The following IL3RA variants were observed in gnomAD, a reference collection of about 807,000 sequenced individuals.
IL3RA encodes the protein interleukin 3 receptor subunit alpha.
A neutral mutation model predicts 52.3 loss-of-function variants in IL3RA; 73 were observed. That is an observed-to-expected ratio of 1.40 (90% CI 1.16 to 1.70). The LOEUF (loss-of-function observed/expected upper bound fraction) is 1.70. Ranked by LOEUF, IL3RA falls within the 40% of genes most tolerant of loss-of-function variation. The pLI is 0.00. For missense variants in IL3RA, 664 were observed against 504.4 expected (o/e 1.32, Z -3.03); for synonymous variants, 260 against 194.0 (o/e 1.34, Z -2.83).
At chrX:1,357,841 G>A (rs1288509853) in intron 7 of IL3RA, among the ~76,000 whole-genome samples, 9 of 148,492 alleles carry the variant, frequency 6.1e-5, no homozygotes, top group South Asian at 2.1e-4. Flanking sequence ...AGTAGCTTAC[G>A]CCTGTAATCC....
intron 9 of IL3RA, among the ~76,000 whole-genome samples, chrX:1,368,687 A>G (rs1417477247): frequency 2.0e-5 from 3 of 152,008 alleles, no homozygotes; most frequent in African/African-American, 7.2e-5. Context: ...ACAGACACAC[A>G]CAGAGGGACG....
intron 9 of IL3RA, among the ~76,000 whole-genome samples, chrX:1,376,945 A>T (rs7391982): frequency 9.7e-6 from 1 of 103,400 alleles, no homozygotes; most frequent in African/African-American, 4.5e-5. Flanking sequence ...CCTGGATCTC[A>T]GACCTCCAGC....
chrX:1,377,484 C>T (rs1327636664), intron 9 of IL3RA, among the ~76,000 whole-genome samples: 2 of 152,038 alleles, frequency 1.3e-5, no homozygotes, highest in Non-Finnish European at 2.9e-5. Flanking sequence ...CTCAGGTGAT[C>T]CGCCCGCCTT....
chrX:1,370,576 C>A (rs1833512592), intron 9 of IL3RA, among the ~76,000 whole-genome samples: 1 of 10,912 alleles, frequency 9.2e-5, no homozygotes, highest in Non-Finnish European at 1.5e-4. Flanking sequence ...CTGTGGGACA[C>A]AGGGAGAAGA....
At chrX:1,349,208 G>A (rs368143814) in intron 4 of IL3RA, among the ~76,000 whole-genome samples, 318 of 146,020 alleles carry the variant, frequency 2.2e-3, no homozygotes, top group African/African-American at 7.0e-3. Context: ...TTTAGACAGA[G>A]TCTCACTCTG....
intron 6 of IL3RA, among the ~76,000 whole-genome samples, chrX:1,355,612 G>GATGTC: frequency 6.6e-6 from 1 of 151,234 alleles, no homozygotes. Context: ...GGAAGTGGAG[G>GATGTC]ATGTCCTGGG....
Position 1,382,361 on chromosome X carries a change from G to C in IL3RA, c.1063-30G>C, listed in dbSNP as rs767949139. 5.0e-6 allele frequency: 8 copies of C among 1,589,108 alleles called. No homozygotes were observed. In the African/African-American group the frequency reaches 5.5e-5, roughly 11 times the overall value. Reference sequence around the variant, plus strand: ...GGGCTCTGTTATCTGGGGGGTGGCCGACTCACCCTGCCTCCTCTCGTCTCT... The same window carrying C: ...GGGCTCTGTTATCTGGGGGGTGGCCCACTCACCCTGCCTCCTCTCGTCTCT... On this transcript the variant is annotated intron_variant, in intron 11 of 11. Transcript: ENST00000331035.
In IL3RA at chrX:1,356,315, C is replaced by T; in HGVS notation, c.711C>T (p.Arg237=). The change falls in exon 7 of 12, where the codon CGC becomes CGT. Residue 237 remains arginine, a synonymous_variant. Transcript: ENST00000331035. ...KMRSHFNRKF[R]YELQIQKRMQ... ...GAAGTCATTTCAATCGCAAATTTCG[C>T]TATGAGCTTCAGATACAAAAGGTAA... 1.2e-6 allele frequency: 2 copies of T among 1,611,794 alleles called. No individual in the cohort carries two copies.
intron 1 of IL3RA, among the ~76,000 whole-genome samples, chrX:1,338,371 A>G (rs187251759): frequency 2.4e-4 from 37 of 152,120 alleles, no homozygotes; most frequent in African/African-American, 8.7e-4. Flanking sequence ...CCATCTATAG[A>G]TGAATGGAGA....
At chrX:1,364,202 T>A (rs1256639041) in intron 8 of IL3RA, among the ~76,000 whole-genome samples, 1 of 128,064 alleles carries the variant, frequency 7.8e-6, no homozygotes, top group East Asian at 2.4e-4. Flanking sequence ...AAAAAAAAAT[T>A]TTTTTTTGGC....
chrX:1,360,398 C>T (rs1419897168), intron 8 of IL3RA, among the ~76,000 whole-genome samples: 2 of 151,420 alleles, frequency 1.3e-5, no homozygotes, highest in Admixed American at 1.3e-4. Flanking sequence ...CTGTCCAAAT[C>T]TGTGTCTCTG....
At chrX:1,344,175 T>G (rs759623313) in intron 2 of IL3RA, among the ~76,000 whole-genome samples, 2 of 152,212 alleles carry the variant, frequency 1.3e-5, no homozygotes, top group African/African-American at 4.8e-5. Flanking sequence ...AACTCACGTC[T>G]GTGATCCCAG....
At chrX:1,381,786 C>T (rs1335732625) in intron 11 of IL3RA, among the ~76,000 whole-genome samples, 2 of 151,292 alleles carry the variant, frequency 1.3e-5, no homozygotes, top group Non-Finnish European at 2.9e-5. Context: ...TTGTGATCCC[C>T]CTGCCTCGGC....
Position 1,365,265 on chromosome X carries a change from T to A in IL3RA, c.874+13T>A, listed in dbSNP as rs200569953. On this transcript the variant is annotated intron_variant, in intron 9 of 11. Coordinates refer to ENST00000331035, the MANE Select transcript of IL3RA (RefSeq NM_002183.4). ...CCCCAGCGCTTCGGTGAGTGGGCTG[T>A]GCGGGGTGCGCGGGGTGAGCGGGGT... 344 of 1,487,890 alleles carry A rather than the reference T, an allele frequency of 2.3e-4. No individual in the cohort carries two copies. The African/African-American group carries it at 4.3e-3, about 19-fold the overall frequency. The allele number at this position is 1,487,890 out of a possible 1,614,324, so 92.2% of individuals were successfully genotyped here.
At chrX:1,352,564 G>T (rs1415957479) in intron 6 of IL3RA, 58 bp downstream of exon 6, 2 of 1,554,500 alleles carry the variant, frequency 1.3e-6, no homozygotes, top group African/African-American at 1.4e-5. Flanking sequence ...CGGCTTTAGC[G>T]CCAGGCCAGA....
chrX:1,361,621 C>T (rs773073867), intron 8 of IL3RA, among the ~76,000 whole-genome samples: 45 of 151,234 alleles, frequency 3.0e-4, no homozygotes, highest in East Asian at 1.0e-3. Context: ...GTGGTGGTGG[C>T]AGGCGCCTGT....
At chrX:1,364,958 G>A (rs1382103090) in intron 8 of IL3RA, among the ~76,000 whole-genome samples, 180 bp from the exon 9 acceptor site, 3 of 151,924 alleles carry the variant, frequency 2.0e-5, no homozygotes, top group Non-Finnish European at 4.4e-5. Flanking sequence ...ACAGGTGCCT[G>A]CCACCATGCC....
chrX:1,361,684 C>T (rs746510283), intron 8 of IL3RA, among the ~76,000 whole-genome samples: 178 of 143,502 alleles, frequency 1.2e-3, no homozygotes, highest in African/African-American at 4.4e-3. Context: ...ACCCGGGAGG[C>T]AGAGGTTGCA....
rs759603526 is a variant in IL3RA at position 1,347,370 on chromosome X, G to C, written c.184-1061G>C. On this transcript the variant is annotated intron_variant, in intron 3 of 11. Coordinates refer to ENST00000331035, the MANE Select transcript of IL3RA (RefSeq NM_002183.4). ...GAGGCAGGAGAATGGCTTGAACCTG[G>C]GAGGCAGAAGCTTGCAGTGAGCCGA... 4.0e-5 allele frequency among the ~76,000 whole-genome samples: 6 copies of C among 151,394 alleles called. No individual in the cohort carries two copies. In the South Asian group the frequency reaches 1.2e-3, roughly 31 times the overall value.
Sources: gnomAD v4.1 joint callset for allele counts (sites outside exome capture counted in the v4.1 genomes callset) on GRCh38, gnomAD v4.1.1 for gene constraint, MANE v1.5 for transcripts, NCBI Gene and HGNC (gene_info 2026-07-23, HGNC 2026-07-21) for gene names.